COL5A1: variants seen among roughly 807,000 people sequenced by gnomAD.
The protein encoded by COL5A1 is collagen alpha-1(V) chain.
Under a neutral mutation model 263.7 loss-of-function variants are expected in COL5A1, and 16 were observed. The ratio of observed to expected loss-of-function variants is 0.06; its 90% CI spans 0.04 to 0.09. The LOEUF (loss-of-function observed/expected upper bound fraction) is 0.09, where lower values mean the gene tolerates loss of function less well. COL5A1 is among the 10% of genes least tolerant of loss of function. COL5A1 has a pLI of 1.00. For synonymous variants in COL5A1, 1,012 were observed against 1,004.5 expected, an observed-to-expected ratio of 1.01 and a Z score of -0.14; for missense variants, 2,036 against 2,540.5, an observed-to-expected ratio of 0.80 and a Z score of 4.27.
intron 46 of COL5A1, among the ~76,000 whole-genome samples, chr9:134,812,173 C>T (rs867290724): frequency 6.0e-4 from 92 of 152,296 alleles, no homozygotes; most frequent in African/African-American, 1.9e-3. Flanking sequence ...TTTACCCAGG[C>T]GTCCCCTGCT....
chr9:134,824,116 AC>A (rs551403616), intron 61 of COL5A1, among the ~76,000 whole-genome samples: 3 of 151,204 alleles, frequency 2.0e-5, no homozygotes, highest in African/African-American at 7.3e-5. Context: ...ACTATTGGAC[AC>A]CCCCCTTTGG....
intron 4 of COL5A1, among the ~76,000 whole-genome samples, chr9:134,723,373 GC>G (rs1834537056): frequency 6.6e-6 from 1 of 152,188 alleles, no homozygotes; most frequent in Admixed American, 6.5e-5. Context: ...GGCCAGGGAC[GC>G]CCCATGCTCT....
intron 18 of COL5A1, among the ~76,000 whole-genome samples, chr9:134,761,545 G>A (rs1429587361): frequency 6.6e-6 from 1 of 152,242 alleles, no homozygotes; most frequent in Non-Finnish European, 1.5e-5. Context: ...CGAGCTCTGA[G>A]GCTGCAGGCA....
At position 134,818,775 on chromosome 9, in the gene COL5A1, G is replaced by A. The variant is rs1838871214; in HGVS notation, c.4338+12G>A. On this transcript the variant is annotated intron_variant, in intron 55 of 65. Transcript: ENST00000371817. The surrounding 1 kb of genome is among the most constrained non-coding windows in gnomAD (Gnocchi z 6.0). Reference sequence around the variant, plus strand: ...TCCCTGGCCCTGTGGTGAGTAGGCTGTGAGGGGCAGAGGGGTTGCCGAGTG... The same window carrying A: ...TCCCTGGCCCTGTGGTGAGTAGGCTATGAGGGGCAGAGGGGTTGCCGAGTG... 6.2e-7 allele frequency: 1 copy of A among 1,612,458 alleles called. No homozygotes were observed. The highest frequency in any genetic ancestry group is 1.1e-5 in the South Asian group (1 of 91,046).
rs748152732 is a variant in COL5A1, at chr9:134,730,288, G to A, written c.977G>A (p.Gly326Glu). 6.2e-6 allele frequency: 10 copies of A among 1,614,108 alleles called. No individual in the cohort carries two copies. The highest frequency in any genetic ancestry group is 8.5e-6 in the Non-Finnish European group (10 of 1,180,050). ...GCTCCCATGCCTGAAACCAGTGAAG[G>A]GGCTGGGAAGGAAGAGGACGTCGGC... is the stretch of plus-strand genomic sequence containing the variant. ...EAAPMPETSE[G>E]AGKEEDVGIG... Residue 326 changes from glycine (G) to glutamate (E), a missense_variant, in exon 7 of 66, where the codon GGG (glycine) becomes GAG (glutamate). This residue lies in a region of COL5A1 where 600 missense variants were observed against 634.5 expected (regional missense o/e 0.95). Transcript: ENST00000371817.
chr9:134,790,277 C>T (rs73560070), intron 32 of COL5A1, among the ~76,000 whole-genome samples: 2 of 152,164 alleles, frequency 1.3e-5, no homozygotes, highest in Non-Finnish European at 2.9e-5. Flanking sequence ...TCCATCTCCA[C>T]CCCTCTCTGT....
Position 134,842,282 on chromosome 9 carries a change from G to A in COL5A1, c.5496G>A (p.Gly1832=), listed in dbSNP as rs1399213441. 1 of 1,614,196 alleles carries A rather than the reference G, an allele frequency of 6.2e-7. No homozygotes were observed. Among genetic ancestry groups the A allele is most frequent in the Non-Finnish European group, 8.5e-7 (1 of 1,180,028 alleles). Reference sequence around the variant, plus strand: ...CACAGAAATTTGGATTTGAAGTGGGGCCGGCTTGCTTCATGGGCTAGGAGC... The same window carrying A: ...CACAGAAATTTGGATTTGAAGTGGGACCGGCTTGCTTCATGGGCTAGGAGC... ...EASQKFGFEV[G]PACFMG Residue 1832 remains glycine (G), a synonymous_variant, in exon 66 of 66, where the codon GGG becomes GGA. Transcript: ENST00000371817. The surrounding 1 kb of genome is among the most constrained non-coding windows in gnomAD (Gnocchi z 5.8).
At chr9:134,743,877 C>T (rs1835378438) in intron 11 of COL5A1, among the ~76,000 whole-genome samples, 1 of 152,194 alleles carries the variant, frequency 6.6e-6, no homozygotes, top group Non-Finnish European at 1.5e-5. Flanking sequence ...TGAAAAACAG[C>T]AGTCACTACC....
rs974596853 is a variant in COL5A1 at position 134,753,891 on chromosome 9, C to T, written c.1761C>T (p.Asp587=). The T allele has an allele frequency of 6.2e-6, 10 of 1,613,464 alleles. No homozygotes were observed. Among genetic ancestry groups the T allele is most frequent in the East Asian group, 2.2e-5 (1 of 44,846 alleles). The change falls in exon 15 of 66, where the codon GAC becomes GAT. Residue 587 remains aspartate, a synonymous_variant. Coordinates refer to ENST00000371817, the MANE Select transcript of COL5A1 (RefSeq NM_000093.5). ...GAGGTTTGAAGGGCGAGCCGGGAGACGTGGGGCCTCAGGTATGTGGGATCC... is the reference window on the plus strand; with the variant it reads ...GAGGTTTGAAGGGCGAGCCGGGAGATGTGGGGCCTCAGGTATGTGGGATCC... ...GSGGLKGEPG[D]VGPQGPRGVQ... is the part of the protein sequence containing the mutation.
At position 134,795,306 on chromosome 9, in the gene COL5A1, T is replaced by G. The variant is rs1297581832; in HGVS notation, c.2790T>G (p.Pro930=). The change falls in exon 34 of 66, where the codon CCT becomes CCG. Residue 930 remains proline (P), a synonymous_variant. Transcript: ENST00000371817. ...ERGPRGITGK[P]GPKGNSGGDG... is the part of the protein sequence containing the mutation. ...GCCCCCGGGGCATCACTGGGAAGCC[T>G]GGCCCCAAGGTATGTTTTTGGCCTC... 4 of 1,613,362 alleles carry G rather than the reference T, an allele frequency of 2.5e-6. No individual in the cohort carries two copies. Among genetic ancestry groups the G allele is most frequent in the Non-Finnish European group, 3.4e-6 (4 of 1,179,946 alleles).
chr9:134,650,706 G>A (rs1383409637), intron 1 of COL5A1, among the ~76,000 whole-genome samples: 1 of 152,274 alleles, frequency 6.6e-6, no homozygotes, highest in African/African-American at 2.4e-5. Flanking sequence ...GCATGCGCCT[G>A]AAGGCAGGCT....
intron 11 of COL5A1, among the ~76,000 whole-genome samples, chr9:134,748,666 A>C (rs1346523935): frequency 6.6e-6 from 1 of 152,238 alleles, no homozygotes; most frequent in Non-Finnish European, 1.5e-5. Flanking sequence ...GCAATTGGGC[A>C]GTATCCATTA....
chr9:134,760,994 TACAC>T lies in COL5A1; in HGVS notation c.1936-930_1936-927del, dbSNP rs1232406533. Among the ~76,000 whole-genome samples, 11 of 101,534 alleles carry T rather than the reference TACAC, an allele frequency of 1.1e-4. No homozygotes were observed. In the East Asian group the frequency reaches 1.4e-3, roughly 12 times the overall value. 66.6% of individuals were successfully genotyped at this position (101,534 alleles called of 152,430 possible). Reference sequence around the variant, plus strand: ...CATGTATACCACCCCGATACACACATACACGTGCACACCAGCCACACACGCATAC... The same window carrying T: ...CATGTATACCACCCCGATACACACATGTGCACACCAGCCACACACGCATAC... On this transcript the variant is annotated intron_variant, in intron 18 of 65. Coordinates refer to ENST00000371817, the MANE Select transcript of COL5A1 (RefSeq NM_000093.5).
chr9:134,655,746 T>C (rs1040932323), intron 1 of COL5A1, among the ~76,000 whole-genome samples: 14 of 152,136 alleles, frequency 9.2e-5, no homozygotes, highest in Non-Finnish European at 4.4e-5. Flanking sequence ...GTGACCAGGC[T>C]GGACTCAGCC....
intron 32 of COL5A1, among the ~76,000 whole-genome samples, chr9:134,792,287 G>A (rs189265609): frequency 3.3e-5 from 5 of 152,340 alleles, no homozygotes; most frequent in African/African-American, 1.2e-4. Context: ...TCTGGTCCCA[G>A]TGTGGGGCAG....
intron 26 of COL5A1, among the ~76,000 whole-genome samples, chr9:134,773,326 G>T (rs911735339): frequency 2.0e-5 from 3 of 151,776 alleles, no homozygotes; most frequent in Non-Finnish European, 4.4e-5. Context: ...AGGGTCCCAT[G>T]CAGCACGTCC....
intron 4 of COL5A1, among the ~76,000 whole-genome samples, chr9:134,710,220 G>A (rs1278622046): frequency 2.6e-5 from 4 of 152,246 alleles, no homozygotes; most frequent in South Asian, 2.1e-4. Flanking sequence ...CTCACTCAGC[G>A]TGGTGGCAGG....
chr9:134,691,123 C>T, intron 2 of COL5A1, 44 bp downstream of exon 2: 2 of 1,609,142 alleles, frequency 1.2e-6, no homozygotes, highest in Non-Finnish European at 1.7e-6. Context: ...GTCCCGTTGG[C>T]CCTCTGGCCT....
At position 134,716,056 on chromosome 9, in the gene COL5A1, C is replaced by T. The variant is rs755207789; in HGVS notation, c.655-11210C>T. Among the ~76,000 whole-genome samples, 7 of 151,716 alleles carry T rather than the reference C, an allele frequency of 4.6e-5. No individual in the cohort carries two copies. The highest frequency in any genetic ancestry group is 1.5e-4 in the African/African-American group (6 of 41,234). On this transcript the variant is annotated intron_variant, in intron 4 of 65. Coordinates refer to ENST00000371817, the MANE Select transcript of COL5A1 (RefSeq NM_000093.5). The surrounding 1 kb of genome is among the most constrained non-coding windows in gnomAD (Gnocchi z 4.5). The stretch of plus-strand genomic sequence containing the variant: ...TATGGTTTTGGTGCTGGTAGCACTG[C>T]TGGTGGTGGTCATGATGCTAGCAGT...
Sources: allele counts gnomAD v4.1 joint callset (sites outside exome capture counted in the v4.1 genomes callset), GRCh38; gene constraint gnomAD v4.1.1; regional missense constraint gnomAD v4.1.1; non-coding constraint Gnocchi (gnomAD v3.1); transcripts MANE v1.5; gene names NCBI Gene and HGNC (gene_info 2026-07-23, HGNC 2026-07-21).